CRACDL: variants seen among roughly 807,000 people sequenced by gnomAD.
CRACDL encodes the protein CRACD like.
In CRACDL, 26 loss-of-function variants were observed where a neutral mutation model predicts 70.6. The ratio of observed to expected loss-of-function variants is 0.37; its 90% confidence interval spans 0.27 to 0.51. CRACDL has a LOEUF of 0.51. Ranked by LOEUF, CRACDL falls within the 20% of genes least tolerant of loss-of-function variation. CRACDL has a pLI of 0.94. For missense variants in CRACDL, 1,283 were observed against 1,376.9 expected (o/e 0.93, Z 1.08); for synonymous variants, 618 against 615.2 (o/e 1.00, Z -0.07).
intron 7 of CRACDL, among the ~76,000 whole-genome samples, chr2:98,797,928 T>C (rs1703899059): frequency 6.6e-6 from 1 of 152,222 alleles, no homozygotes; most frequent in South Asian, 2.1e-4. Flanking sequence ...GACACACTAT[T>C]AATCTCTTGT....
At chr2:98,930,830 A>G (rs1709055450) in intron 1 of CRACDL, among the ~76,000 whole-genome samples, 2 of 152,312 alleles carry the variant, frequency 1.3e-5, no homozygotes, top group South Asian at 4.1e-4. Context: ...GGTAGTTATA[A>G]CAAATGCCCT....
At chr2:98,902,209 G>C (rs1708300060) in intron 1 of CRACDL, among the ~76,000 whole-genome samples, 1 of 152,308 alleles carries the variant, frequency 6.6e-6, no homozygotes, top group Middle Eastern at 3.4e-3. Context: ...TCAATGAAAG[G>C]AGGCAGCACA....
intron 7 of CRACDL, among the ~76,000 whole-genome samples, chr2:98,817,726 ATGAG>A (rs1188782462): frequency 1.3e-5 from 2 of 152,206 alleles, no homozygotes; most frequent in African/African-American, 2.4e-5. Flanking sequence ...GAATGCATGA[ATGAG>A]TGAGTACTGG....
At chr2:98,836,025 T>A (rs920757126) in intron 3 of CRACDL, among the ~76,000 whole-genome samples, 1 of 152,000 alleles carries the variant, frequency 6.6e-6, no homozygotes, top group Admixed American at 6.6e-5. Flanking sequence ...TGGGAGAATA[T>A]AGGAAAGAGT....
chr2:98,822,495 C>A lies in CRACDL; in HGVS notation c.1778G>T (p.Arg593Leu). The change falls in exon 7 of 10, where the codon CGG becomes CTG. Residue 593 changes from arginine (R) to leucine (L), a missense_variant. This residue lies in a region of CRACDL where 921 missense variants were observed against 881.9 expected (regional missense o/e 1.04). Transcript: ENST00000397899. The surrounding 1 kb of genome is among the most constrained non-coding windows in gnomAD (Gnocchi z 4.9). ...PRPGVSRPLE[R>L]ASGRLPLARS... ...CGCGAGGGGCAGGCGGCCGCTGGCC[C>A]GTTCCAGCGGGCGGGAGACGCCCGG... 1 of 1,460,660 alleles carries A rather than the reference C, an allele frequency of 6.8e-7. No homozygotes were observed. The highest frequency in any genetic ancestry group is 9.0e-7 in the Non-Finnish European group (1 of 1,115,462). 90.5% of individuals were successfully genotyped at this position (1,460,660 alleles called of 1,614,324 possible).
chr2:98,822,213 C>T lies in CRACDL; in HGVS notation c.2060G>A (p.Arg687Gln), dbSNP rs376314835. Residue 687 changes from arginine (R) to glutamine (Q), a missense_variant, in exon 7 of 10, where the codon CGG becomes CAG. Coordinates refer to ENST00000397899, the MANE Select transcript of CRACDL (RefSeq NM_207362.3). This position sits in a 1 kb window ranked among gnomAD's most constrained non-coding sequence, Gnocchi z 4.9. ...GTATTTGAGCGAGAGGGAGGTGGACCGGAGCTTGACGGGGAAGGGGTTTCT... is the reference window on the plus strand; with the variant it reads ...GTATTTGAGCGAGAGGGAGGTGGACTGGAGCTTGACGGGGAAGGGGTTTCT... ...EDRNPFPVKL[R>Q]STSLSLKYRD... is the part of the protein sequence containing the mutation. 13 of 1,608,298 alleles carry T rather than the reference C, an allele frequency of 8.1e-6. No homozygotes were observed. Among genetic ancestry groups the T allele is most frequent in the Non-Finnish European group, 9.3e-6 (11 of 1,179,176 alleles).
At position 98,926,519 on chromosome 2, in the gene CRACDL, G is replaced by T. The variant is rs574408411; in HGVS notation, c.-11+9419C>A. Among the ~76,000 whole-genome samples, 104 of 152,306 alleles carry T rather than the reference G, an allele frequency of 6.8e-4. No individual in the cohort carries two copies. The Middle Eastern group carries it at 0.024, about 35-fold the overall frequency. ...AGCGTGCACCATGAAGCAAGCAGCT[G>T]CCCCCATGGTCTCCAACCCTCACAG... On this transcript the variant is annotated intron_variant, in intron 1 of 9. Coordinates refer to ENST00000397899, the MANE Select transcript of CRACDL (RefSeq NM_207362.3).
chr2:98,907,290 C>A (rs991744616), intron 1 of CRACDL, among the ~76,000 whole-genome samples: 3 of 152,186 alleles, frequency 2.0e-5, no homozygotes, highest in African/African-American at 7.2e-5. Flanking sequence ...GAAACTCCAT[C>A]TCAGGAAACA....
intron 7 of CRACDL, among the ~76,000 whole-genome samples, chr2:98,808,000 G>A (rs1335390289): frequency 6.6e-6 from 1 of 152,230 alleles, no homozygotes; most frequent in East Asian, 1.9e-4. Flanking sequence ...CCTCTGTGCT[G>A]TCAACCAGTC....
At chr2:98,905,624 C>T (rs1415676161) in intron 1 of CRACDL, among the ~76,000 whole-genome samples, 2 of 137,938 alleles carry the variant, frequency 1.4e-5, no homozygotes, top group Non-Finnish European at 3.0e-5. Flanking sequence ...CTGGTGTTAC[C>T]TCATTTTTTT....
At chr2:98,881,846 T>A (rs1707660791) in intron 1 of CRACDL, among the ~76,000 whole-genome samples, 1 of 152,202 alleles carries the variant, frequency 6.6e-6, no homozygotes, top group South Asian at 2.1e-4. Context: ...AGTCCACTTC[T>A]GAGAGGTGCC....
At chr2:98,896,450 C>A (rs1016253284) in intron 1 of CRACDL, among the ~76,000 whole-genome samples, 4 of 152,220 alleles carry the variant, frequency 2.6e-5, no homozygotes, top group Admixed American at 2.6e-4. Context: ...CTGAGAGTGG[C>A]CCAAAAAAAA....
chr2:98,905,716 C>G (rs1708394645), intron 1 of CRACDL, among the ~76,000 whole-genome samples: 1 of 150,404 alleles, frequency 6.6e-6, no homozygotes, highest in South Asian at 2.1e-4. Context: ...CTCCTGGATT[C>G]AAGTGATCCT....
chr2:98,888,436 G>A (rs149794782), intron 1 of CRACDL, among the ~76,000 whole-genome samples: 1 of 152,174 alleles, frequency 6.6e-6, no homozygotes, highest in East Asian at 1.9e-4. Context: ...AAATTAAGTT[G>A]GTATTAATCC....
At chr2:98,798,378 A>G (rs1703924503) in intron 7 of CRACDL, among the ~76,000 whole-genome samples, 2 of 128,480 alleles carry the variant, frequency 1.6e-5, no homozygotes, top group South Asian at 5.5e-4. Context: ...CGGGAGGCGG[A>G]GCTTGCAGTG....
At chr2:98,846,132 G>T (rs1706242728) in intron 2 of CRACDL, among the ~76,000 whole-genome samples, 1 of 152,182 alleles carries the variant, frequency 6.6e-6, no homozygotes, top group Non-Finnish European at 1.5e-5. Flanking sequence ...ATTTTTTAAT[G>T]TCAATTTTAC....
At position 98,928,206 on chromosome 2, in the gene CRACDL, T is replaced by TA. The variant is rs201661395; in HGVS notation, c.-11+7731dup. On this transcript the variant is annotated intron_variant, in intron 1 of 9. Coordinates refer to ENST00000397899, the MANE Select transcript of CRACDL (RefSeq NM_207362.3). ...AAAAAAATAAATAAATAAATAAAAA[T>TA]AAAAAAAAATAAGACAGCTCACAAA... Among the ~76,000 whole-genome samples the TA allele has an allele frequency of 1.1e-3, 164 of 150,510 alleles. 4 individuals are homozygous for TA. The East Asian group carries it at 0.018, about 17-fold the overall frequency.
intron 1 of CRACDL, among the ~76,000 whole-genome samples, chr2:98,872,865 G>C (rs1403650347): frequency 6.6e-6 from 1 of 152,214 alleles, no homozygotes; most frequent in Non-Finnish European, 1.5e-5. Flanking sequence ...AAAATGATGT[G>C]AACTGACGTT....
chr2:98,873,202 C>T (rs1461382741), intron 1 of CRACDL, among the ~76,000 whole-genome samples: 2 of 152,240 alleles, frequency 1.3e-5, no homozygotes, highest in Non-Finnish European at 1.5e-5. Flanking sequence ...ACCTTCTCCA[C>T]TGCTGGGAAC....
Sources: allele counts gnomAD v4.1 joint callset (sites outside exome capture counted in the v4.1 genomes callset), GRCh38; gene constraint gnomAD v4.1.1; regional missense constraint gnomAD v4.1.1; non-coding constraint Gnocchi (gnomAD v3.1); transcripts MANE v1.5; gene names NCBI Gene and HGNC (gene_info 2026-07-23, HGNC 2026-07-21).